Variants in KHDRBS2 observed in about 807,000 individuals in gnomAD.
KHDRBS2 encodes KH RNA binding domain containing, signal transduction associated 2, also known as KH domain-containing, RNA-binding, signal transduction-associated protein 2.
A neutral mutation model predicts 44.3 loss-of-function variants in KHDRBS2; 26 were observed. That is an observed-to-expected ratio of 0.59 (90% CI 0.43 to 0.81). KHDRBS2 has a LOEUF of 0.81. Among genes scored for constraint, KHDRBS2 ranks in the 40% least tolerant of loss-of-function variants. KHDRBS2 has a pLI of 0.00. For missense variants in KHDRBS2, 476 were observed against 433.1 expected (o/e 1.10, Z -0.88); for synonymous variants, 194 against 151.1 (o/e 1.28, Z -2.08).
At chr6:62,022,728 T>G (rs1782574785) in intron 3 of KHDRBS2, among the ~76,000 whole-genome samples, 3 of 151,788 alleles carry the variant, frequency 2.0e-5, no homozygotes, top group Admixed American at 2.0e-4. Context: ...CAATAGAATT[T>G]CAACTTCAAG....
intron 1 of KHDRBS2, among the ~76,000 whole-genome samples, chr6:62,260,676 A>G (rs1419129253): frequency 6.6e-6 from 1 of 151,982 alleles, no homozygotes; most frequent in Non-Finnish European, 1.5e-5. Flanking sequence ...ATATTTGTAG[A>G]TAAATATATC....
the KHDRBS2 span, among the ~76,000 whole-genome samples, chr6:61,610,624 C>T: frequency 6.6e-6 from 1 of 152,250 alleles, no homozygotes; most frequent in South Asian, 2.1e-4. Flanking sequence ...CTTAGTGTTA[C>T]TCAAGTATTC....
chr6:61,643,562 A>G, the KHDRBS2 span, among the ~76,000 whole-genome samples: 6 of 152,160 alleles, frequency 3.9e-5, no homozygotes, highest in Admixed American at 3.3e-4. Context: ...AGAAAGCCCT[A>G]TAACTTCAGC....
At chr6:62,055,232 T>C (rs1257728244) in intron 2 of KHDRBS2, among the ~76,000 whole-genome samples, 1 of 151,498 alleles carries the variant, frequency 6.6e-6, no homozygotes, top group Non-Finnish European at 1.5e-5. Context: ...CAAAAACAAA[T>C]ATAGAACTAA....
intron 6 of KHDRBS2, among the ~76,000 whole-genome samples, chr6:61,861,089 G>A (rs1158365220): frequency 4.6e-5 from 7 of 151,976 alleles, no homozygotes; most frequent in Non-Finnish European, 8.8e-5. Context: ...ATTAGTTTGA[G>A]TTCCTTATAG....
At chr6:62,189,626 G>T in intron 1 of KHDRBS2, among the ~76,000 whole-genome samples, 1 of 152,108 alleles carries the variant, frequency 6.6e-6, no homozygotes, top group Non-Finnish European at 1.5e-5. Context: ...TGAGGCAGTT[G>T]CACTAGACCA....
chr6:61,958,365 C>T (rs1015813559), intron 4 of KHDRBS2, among the ~76,000 whole-genome samples: 1 of 152,140 alleles, frequency 6.6e-6, no homozygotes, highest in Admixed American at 6.6e-5. Flanking sequence ...CATATAATTA[C>T]TTTCCTGTTT....
chr6:61,577,827 C>T, the KHDRBS2 span, among the ~76,000 whole-genome samples: 1 of 151,996 alleles, frequency 6.6e-6, no homozygotes. Context: ...TTTTATTATC[C>T]TAACATGTCG....
At chr6:62,236,422 G>C (rs189149596) in intron 1 of KHDRBS2, among the ~76,000 whole-genome samples, 2 of 151,928 alleles carry the variant, frequency 1.3e-5, no homozygotes, top group Non-Finnish European at 2.9e-5. Context: ...CAGAGAATTA[G>C]AGGGTTTTAG....
At chr6:61,741,287 A>C (rs1776101761) in intron 6 of KHDRBS2, among the ~76,000 whole-genome samples, 1 of 151,956 alleles carries the variant, frequency 6.6e-6, no homozygotes, top group Non-Finnish European at 1.5e-5. Context: ...AATTACCTCT[A>C]GATAGAGCTT....
At position 61,732,779 on chromosome 6, in the gene KHDRBS2, T is replaced by A. The variant is rs73474518; in HGVS notation, c.811-15A>T. On this transcript the variant is annotated splice_polypyrimidine_tract_variant and intron_variant, in intron 6 of 8. Coordinates refer to ENST00000281156, the MANE Select transcript of KHDRBS2 (RefSeq NM_152688.4). ...TCATCATAACCCTGAGACAAAAAAA[T>A]GGTAGAAACACCTGTTAGTCAATTT... The A allele has an allele frequency of 7.9e-5, 109 of 1,373,400 alleles. No homozygotes were observed. In the African/African-American group the frequency reaches 1.4e-3, roughly 18 times the overall value. 85.1% of individuals were successfully genotyped at this position (1,373,400 alleles called of 1,614,324 possible). A position where few individuals can be genotyped will look rare whatever the true frequency, so the allele number is the denominator to read the frequency against.
chr6:62,076,789 C>G (rs996776895), intron 2 of KHDRBS2, among the ~76,000 whole-genome samples: 1 of 151,960 alleles, frequency 6.6e-6, no homozygotes, highest in Non-Finnish European at 1.5e-5. Flanking sequence ...CACCTGTAAT[C>G]CCAACACTTT....
intron 6 of KHDRBS2, among the ~76,000 whole-genome samples, chr6:61,796,105 A>G (rs1785314445): frequency 6.6e-6 from 1 of 152,076 alleles, no homozygotes; most frequent in Non-Finnish European, 1.5e-5. Context: ...CTAAGATTAA[A>G]TAGGATTTAA....
At chr6:62,240,715 T>TATATAA (rs1834524667) in intron 1 of KHDRBS2, among the ~76,000 whole-genome samples, 2 of 126,336 alleles carry the variant, frequency 1.6e-5, no homozygotes, top group Non-Finnish European at 3.4e-5. Flanking sequence ...TATATATATA[T>TATATAA]ATAAACATGA....
At chr6:61,601,926 C>A in the KHDRBS2 span, among the ~76,000 whole-genome samples, 3,718 of 152,226 alleles carry the variant, frequency 0.024, 70 homozygotes, top group Middle Eastern at 0.085. Flanking sequence ...AAGGCATAGT[C>A]AAGGTTAATG....
chr6:61,995,711 G>A (rs1314435311), intron 3 of KHDRBS2, among the ~76,000 whole-genome samples: 1 of 152,106 alleles, frequency 6.6e-6, no homozygotes, highest in Non-Finnish European at 1.5e-5. Flanking sequence ...TTAACTAAGA[G>A]TGGGGAAGGA....
intron 1 of KHDRBS2, among the ~76,000 whole-genome samples, chr6:62,256,349 T>A (rs1837391114): frequency 6.6e-6 from 1 of 152,008 alleles, no homozygotes; most frequent in African/African-American, 2.4e-5. Context: ...TCTTGAATTG[T>A]AGCTCTCACA....
chr6:61,782,544 A>T (rs1031361251), intron 6 of KHDRBS2, among the ~76,000 whole-genome samples: 1 of 151,766 alleles, frequency 6.6e-6, no homozygotes, highest in Non-Finnish European at 1.5e-5. Flanking sequence ...TCTTCTATTC[A>T]AAAGATTTTT....
the KHDRBS2 span, among the ~76,000 whole-genome samples, chr6:61,613,911 C>G: frequency 6.6e-6 from 1 of 152,178 alleles, no homozygotes; most frequent in African/African-American, 2.4e-5. Flanking sequence ...CTGACCGTCT[C>G]TCTGTTTCCT....
Sources: allele counts gnomAD v4.1 joint callset (sites outside exome capture counted in the v4.1 genomes callset), GRCh38; gene constraint gnomAD v4.1.1; transcripts MANE v1.5; gene names NCBI Gene and HGNC (gene_info 2026-07-23, HGNC 2026-07-21).